CLCA1: variants seen among roughly 807,000 people sequenced by gnomAD.
CLCA1 encodes calcium-activated chloride channel regulator 1.
CLCA1 carries 59 observed loss-of-function variants against 85.6 expected under a neutral mutation model. The observed-to-expected ratio is 0.69, with a 90% CI of 0.56 to 0.86. The LOEUF (loss-of-function observed/expected upper bound fraction) is 0.86, where lower values mean the gene tolerates loss of function less well. Ranked by LOEUF, CLCA1 falls within the 40% of genes least tolerant of loss-of-function variation. The pLI is 0.00. For missense variants in CLCA1, 1,022 were observed against 1,101.4 expected (o/e 0.93, Z 1.02); for synonymous variants, 396 against 398.3 (o/e 0.99, Z 0.07).
intron 3 of CLCA1, among the ~76,000 whole-genome samples, chr1:86,474,227 T>C (rs1404946302): frequency 1.3e-5 from 2 of 152,322 alleles, no homozygotes; most frequent in South Asian, 2.1e-4. Context: ...ATTCATACAA[T>C]AGCCACCAGA....
chr1:86,494,312 CA>C lies in CLCA1; in HGVS notation c.1809del (p.Lys603AsnfsTer7). The part of the protein sequence containing the change: ...VTSKTNKDTS[K>X]FPSPLVVYAN... ...CTTCCAAAACGAACAAGGACACCAG[CA>C]AATTCCCCAGCCCTCTGGTAGTTTA... On this transcript the variant is annotated frameshift_variant, in exon 11 of 14. Coordinates refer to ENST00000394711, the MANE Select transcript of CLCA1 (RefSeq NM_001285.4). LOFTEE classifies it high-confidence loss of function. 1 of 1,614,170 alleles carries C rather than the reference CA, an allele frequency of 6.2e-7. No homozygotes were observed. The highest frequency in any genetic ancestry group is 8.5e-7 in the Non-Finnish European group (1 of 1,180,020).
chr1:86,483,782 A>G (rs969924499), intron 5 of CLCA1, among the ~76,000 whole-genome samples: 2 of 152,196 alleles, frequency 1.3e-5, no homozygotes, highest in Non-Finnish European at 2.9e-5. Flanking sequence ...AATTTTGAGG[A>G]AGCAAAATTT....
In CLCA1 at chr1:86,498,557, A is replaced by T; in HGVS notation, c.2114-15A>T. The T allele has an allele frequency of 6.2e-7, 1 of 1,607,940 alleles. No individual in the cohort carries two copies. The highest frequency in any genetic ancestry group is 8.5e-7 in the Non-Finnish European group (1 of 1,174,920). Reference sequence around the variant, plus strand: ...TGATGTTGCTTACCATATTTTGAGTATTTTTTTAATGCAGATGAAATACAA... The same window carrying T: ...TGATGTTGCTTACCATATTTTGAGTTTTTTTTTAATGCAGATGAAATACAA... On this transcript the variant is annotated splice_polypyrimidine_tract_variant and intron_variant, in intron 12 of 13. Coordinates refer to ENST00000394711, the MANE Select transcript of CLCA1 (RefSeq NM_001285.4).
At chr1:86,495,734 C>T (rs1193100043) in intron 12 of CLCA1, 59 bp downstream of exon 12, 6 of 1,476,760 alleles carry the variant, frequency 4.1e-6, no homozygotes, top group Non-Finnish European at 5.5e-6. Context: ...CAAGAGGAAA[C>T]TATTAAGCCT....
intron 4 of CLCA1, among the ~76,000 whole-genome samples, chr1:86,477,395 C>T (rs919743336): frequency 3.3e-5 from 5 of 152,158 alleles, no homozygotes; most frequent in Non-Finnish European, 5.9e-5. Flanking sequence ...TTAAACCTTG[C>T]GCGATGTCAG....
In CLCA1 at chr1:86,493,699, G is replaced by A. The variant is rs1648199512; in HGVS notation, c.1680+100G>A. The A allele has an allele frequency of 5.6e-6, 5 of 898,670 alleles. No individual in the cohort carries two copies. In the South Asian group the frequency reaches 8.3e-5, roughly 15 times the overall value. 55.7% of individuals were successfully genotyped at this position (898,670 alleles called of 1,614,324 possible). ...TTTAAATGTTGGTGGTTGCTAAAAG[G>A]AGAGTCAGTATTGAATCAAAGAGAG... On this transcript the variant is annotated intron_variant, in intron 10 of 13. Coordinates refer to ENST00000394711, the MANE Select transcript of CLCA1 (RefSeq NM_001285.4).
chr1:86,498,126 G>A (rs377689239), intron 12 of CLCA1, among the ~76,000 whole-genome samples: 1 of 143,780 alleles, frequency 7.0e-6, no homozygotes, highest in Non-Finnish European at 1.5e-5. Context: ...TGACAAGAGC[G>A]AAACTCCATC....
At chr1:86,494,513 G>T (rs1648224771) in intron 11 of CLCA1, 65 bp downstream of exon 11, 4 of 1,572,646 alleles carry the variant, frequency 2.5e-6, no homozygotes, top group Non-Finnish European at 2.6e-6. Context: ...GGAATGCCAA[G>T]AGGGCATGGT....
chr1:86,483,868 A>G (rs1647885443), intron 5 of CLCA1, among the ~76,000 whole-genome samples: 1 of 152,170 alleles, frequency 6.6e-6, no homozygotes, highest in Admixed American at 6.5e-5. Flanking sequence ...AGACTGGATA[A>G]TTTATAAATG....
intron 4 of CLCA1, among the ~76,000 whole-genome samples, chr1:86,477,333 C>G (rs1647699620): frequency 6.6e-6 from 1 of 152,168 alleles, no homozygotes; most frequent in Non-Finnish European, 1.5e-5. Flanking sequence ...TGAAACTTAT[C>G]TGAAAAACAA....
chr1:86,495,730 G>GA, intron 12 of CLCA1, 55 bp downstream of exon 12: 1 of 1,507,928 alleles, frequency 6.6e-7, no homozygotes, highest in South Asian at 1.3e-5. Context: ...GTTTCAAGAG[G>GA]AAACTATTAA....
intron 9 of CLCA1, among the ~76,000 whole-genome samples, chr1:86,492,478 G>A (rs1033645906): frequency 1.3e-4 from 20 of 152,308 alleles, no homozygotes; most frequent in African/African-American, 4.8e-4. Flanking sequence ...TCATTCACCA[G>A]TGTGCCACAA....
intron 3 of CLCA1, among the ~76,000 whole-genome samples, chr1:86,474,338 A>T (rs1296881056): frequency 6.6e-6 from 1 of 152,212 alleles, no homozygotes; most frequent in Non-Finnish European, 1.5e-5. Context: ...GCGGATCACG[A>T]GGTCAGGAGA....
At chr1:86,477,002 C>A (rs967784836) in intron 4 of CLCA1, among the ~76,000 whole-genome samples, 9 of 152,158 alleles carry the variant, frequency 5.9e-5, no homozygotes, top group Admixed American at 6.5e-5. Flanking sequence ...CTCAGCCTCC[C>A]GGGCTCAAGC....
At chr1:86,471,843 C>T (rs904641606) in intron 1 of CLCA1, among the ~76,000 whole-genome samples, 11 of 151,862 alleles carry the variant, frequency 7.2e-5, no homozygotes, top group African/African-American at 2.4e-4. Flanking sequence ...TTTAAGTTTA[C>T]CCCTTAGGAA....
At chr1:86,499,436 C>A (rs754714629) in intron 13 of CLCA1, among the ~76,000 whole-genome samples, 7 of 152,208 alleles carry the variant, frequency 4.6e-5, no homozygotes, top group Non-Finnish European at 7.3e-5. Flanking sequence ...TCCAGTTTTA[C>A]GCTTATCACT....
rs752122450 is a variant in CLCA1, at chr1:86,485,561, G to C, written c.954G>C (p.Ala318=). Residue 318 remains alanine, a splice_region_variant and synonymous_variant, in exon 6 of 14, where the codon GCG becomes GCC. Transcript: ENST00000394711. ...TCCTTGACAAATCTGGAAGCATGGC[G>C]GTATGTTCAATGAGTCTTGGTCTTC... The part of the protein sequence containing the change: ...CLVLDKSGSM[A]TGNRLNRLNQ... 1 of 1,613,682 alleles carries C rather than the reference G, an allele frequency of 6.2e-7. No individual in the cohort carries two copies. Among genetic ancestry groups the C allele is most frequent in the Non-Finnish European group, 8.5e-7 (1 of 1,179,588 alleles).
rs749193711 is a variant in CLCA1 at position 86,468,944 on chromosome 1, G to A, written c.-28G>A. 1 of 1,567,164 alleles carries A rather than the reference G, an allele frequency of 6.4e-7. No homozygotes were observed. Among genetic ancestry groups the A allele is most frequent in the African/African-American group, 1.4e-5 (1 of 73,282 alleles). On this transcript the variant is annotated 5_prime_UTR_variant, in exon 1 of 14. Coordinates refer to ENST00000394711, the MANE Select transcript of CLCA1 (RefSeq NM_001285.4). ...ACCTTCGTAACCCGCATTTTCCAAA[G>A]AGAGAAATCACAGGGAGATGTACAG...
chr1:86,489,227 C>G, intron 8 of CLCA1, 57 bp downstream of exon 8: 1 of 1,520,322 alleles, frequency 6.6e-7, no homozygotes, highest in Non-Finnish European at 9.0e-7. Context: ...ACTGTGAGCT[C>G]CAGTGAACTG....
Sources: gnomAD v4.1 joint callset for allele counts (sites outside exome capture counted in the v4.1 genomes callset) on GRCh38, gnomAD v4.1.1 for gene constraint, MANE v1.5 for transcripts, NCBI Gene and HGNC (gene_info 2026-07-23, HGNC 2026-07-21) for gene names.